Variants in MICAL3 observed in about 807,000 individuals in gnomAD.
The protein encoded by MICAL3 is [F-actin]-monooxygenase MICAL3.
MICAL3 carries 62 observed loss-of-function variants against 207.4 expected under a neutral mutation model. The observed-to-expected ratio is 0.30, with a 90% CI of 0.24 to 0.37. MICAL3 has a LOEUF of 0.37. Among genes scored for constraint, MICAL3 ranks in the 10% least tolerant of loss-of-function variants. MICAL3 has a pLI of 1.00. For synonymous variants in MICAL3, 1,077 were observed against 1,069.3 expected (o/e 1.01, Z -0.14); for missense variants, 2,368 against 2,635.6 (o/e 0.90, Z 2.22).
chr22:17,891,086 A>C (rs548890422), intron 12 of MICAL3, among the ~76,000 whole-genome samples: 3 of 152,358 alleles, frequency 2.0e-5, no homozygotes, highest in African/African-American at 7.2e-5. Context: ...TGTTCTAGCC[A>C]GGTTTCCCTT....
Position 17,902,093 on chromosome 22 carries a change from A to G in MICAL3, c.590-114T>C. ...CACAAAACCCTGGGCCAAAAACACT[A>G]TGTGTAGAAGCAGTGGAGACAGAGG... On this transcript the variant is annotated intron_variant, in intron 4 of 31. Coordinates refer to ENST00000441493, the MANE Select transcript of MICAL3 (RefSeq NM_015241.3). The surrounding 1 kb of genome is among the most constrained non-coding windows in gnomAD (Gnocchi z 4.5). 4 of 707,454 alleles carry G rather than the reference A, an allele frequency of 5.7e-6. No individual in the cohort carries two copies. Among genetic ancestry groups the G allele is most frequent in the Admixed American group, 2.3e-5 (1 of 43,270 alleles). 43.8% of individuals were successfully genotyped at this position (707,454 alleles called of 1,614,324 possible). A position where few individuals can be genotyped will look rare whatever the true frequency, so the allele number is the denominator to read the frequency against.
chr22:17,805,399 G>A (rs1422046052), intron 29 of MICAL3, among the ~76,000 whole-genome samples: 2 of 152,264 alleles, frequency 1.3e-5, no homozygotes, highest in East Asian at 3.8e-4. Flanking sequence ...ATTCACGTAA[G>A]AGAAGGAACA....
intron 19 of MICAL3, among the ~76,000 whole-genome samples, chr22:17,847,481 C>T (rs1421612656): frequency 6.6e-6 from 1 of 152,240 alleles, no homozygotes; most frequent in African/African-American, 2.4e-5. Context: ...TCCAGCCAGA[C>T]ACCCTGCAGG....
intron 19 of MICAL3, chr22:17,864,650 C>T (rs770931796): frequency 6.3e-7 from 1 of 1,597,128 alleles, no homozygotes; most frequent in South Asian, 1.1e-5. Flanking sequence ...ACCGGACGGC[C>T]CCATCACTGG....
intron 22 of MICAL3, among the ~76,000 whole-genome samples, chr22:17,825,581 G>C (rs1165041386): frequency 3.3e-5 from 5 of 152,208 alleles, no homozygotes; most frequent in African/African-American, 1.2e-4. Context: ...TTCTCCCACT[G>C]CCGGGAGGAC....
chr22:17,837,837 G>A (rs777353829), intron 20 of MICAL3, among the ~76,000 whole-genome samples: 4 of 152,178 alleles, frequency 2.6e-5, no homozygotes, highest in East Asian at 1.9e-4. Context: ...TCCAGGGTGC[G>A]CCTAGAAGTT....
chr22:17,816,604 G>T, intron 27 of MICAL3, 86 bp downstream of exon 27: 1 of 1,100,184 alleles, frequency 9.1e-7, no homozygotes. Context: ...CTTGCGGTTT[G>T]CTCTCCCTCT....
At position 17,808,831 on chromosome 22, in the gene MICAL3, A is replaced by G; in HGVS notation, c.5650+13T>C. ...CCTCCAGGAGCAGAGCTTAGGAGGG[A>G]GCCCGGCAGTACCTGCTTCGCCCCG... is the stretch of plus-strand genomic sequence containing the variant. On this transcript the variant is annotated intron_variant, in intron 29 of 31. Coordinates refer to ENST00000441493, the MANE Select transcript of MICAL3 (RefSeq NM_015241.3). 2.6e-6 allele frequency: 4 copies of G among 1,550,802 alleles called. No homozygotes were observed. Among genetic ancestry groups the G allele is most frequent in the Non-Finnish European group, 3.5e-6 (4 of 1,146,624 alleles).
intron 11 of MICAL3, among the ~76,000 whole-genome samples, chr22:17,892,135 T>C (rs1230814146): frequency 6.6e-6 from 1 of 152,192 alleles, no homozygotes; most frequent in African/African-American, 2.4e-5. Context: ...AGGCACTGTA[T>C]AACTTGCCAA....
chr22:18,016,988 A>T (rs1056788140), intron 1 of MICAL3, among the ~76,000 whole-genome samples: 1 of 152,078 alleles, frequency 6.6e-6, no homozygotes, highest in East Asian at 1.9e-4. Flanking sequence ...AAAATGCTTT[A>T]TTAAAGGTTT....
intron 25 of MICAL3, among the ~76,000 whole-genome samples, chr22:17,819,437 G>T (rs187712184): frequency 2.0e-4 from 30 of 152,270 alleles, no homozygotes; most frequent in African/African-American, 6.5e-4. Flanking sequence ...GGACATAGAG[G>T]AATGCAGTTC....
intron 20 of MICAL3, among the ~76,000 whole-genome samples, chr22:17,837,075 T>C (rs561421397): frequency 6.6e-6 from 1 of 152,326 alleles, no homozygotes; most frequent in South Asian, 2.1e-4. Flanking sequence ...CTGACAACTG[T>C]GCAAACCCTC....
Position 17,808,942 on chromosome 22 carries a change from G to A in MICAL3, c.5557-5C>T, listed in dbSNP as rs767470260. The A allele has an allele frequency of 6.5e-7, 1 of 1,549,864 alleles. No individual in the cohort carries two copies. On this transcript the variant is annotated splice_region_variant and splice_polypyrimidine_tract_variant and intron_variant, in intron 28 of 31. Transcript: ENST00000441493. Reference sequence around the variant, plus strand: ...CTGCAGCTGCCGCTGGATGATCTATGACAGACAGCACAGACTGAGCACCCG... The same window carrying A: ...CTGCAGCTGCCGCTGGATGATCTATAACAGACAGCACAGACTGAGCACCCG...
chr22:18,020,456 A>G lies in MICAL3; in HGVS notation c.-75+3825T>C, dbSNP rs532712572. ...TCTTAATATTATGACCAAGAGTTTT[A>G]TCGGCATTAATTTTTCAGTGTAGTT... On this transcript the variant is annotated intron_variant, in intron 1 of 31. Coordinates refer to ENST00000441493, the MANE Select transcript of MICAL3 (RefSeq NM_015241.3). Among the ~76,000 whole-genome samples the G allele has an allele frequency of 5.5e-4, 83 of 151,650 alleles. 1 individual carries two copies. In the South Asian group the frequency reaches 0.017, roughly 30 times the overall value.
At position 17,896,212 on chromosome 22, in the gene MICAL3, C is replaced by G. The variant is rs748474202; in HGVS notation, c.1322+34G>C. ...TAAACCACTCCTTCTTCCCAGTTTT[C>G]TCATGAAAGGAACCCCGGGTTACTT... On this transcript the variant is annotated intron_variant, in intron 9 of 31. Coordinates refer to ENST00000441493, the MANE Select transcript of MICAL3 (RefSeq NM_015241.3). 4 of 1,295,814 alleles carry G rather than the reference C, an allele frequency of 3.1e-6. No homozygotes were observed. The South Asian group carries it at 5.1e-5, about 17-fold the overall frequency. 80.3% of individuals were successfully genotyped at this position (1,295,814 alleles called of 1,614,324 possible).
chr22:17,878,361 G>A (rs1462553842), intron 16 of MICAL3, among the ~76,000 whole-genome samples: 1 of 152,204 alleles, frequency 6.6e-6, no homozygotes, highest in Non-Finnish European at 1.5e-5. Context: ...GCACCGTGGG[G>A]CGAGGCCATG....
intron 28 of MICAL3, 27 bp from the exon 29 acceptor site, chr22:17,808,964 C>T (rs368074977): frequency 7.2e-6 from 11 of 1,531,300 alleles, no homozygotes; most frequent in African/African-American, 4.1e-5. Context: ...AGACTGAGCA[C>T]CCGGCTCTCC....
chr22:17,899,823 A>C (rs1345630611), intron 6 of MICAL3, among the ~76,000 whole-genome samples: 4 of 147,760 alleles, frequency 2.7e-5, no homozygotes, highest in Non-Finnish European at 6.0e-5. Flanking sequence ...CGAAACAAGC[A>C]AAAAAAAAAG....
intron 16 of MICAL3, among the ~76,000 whole-genome samples, chr22:17,880,707 T>C (rs1929335233): frequency 6.6e-6 from 1 of 152,232 alleles, no homozygotes; most frequent in African/African-American, 2.4e-5. Flanking sequence ...CTGAATGCTG[T>C]GCCTGGCGTG....
Sources: gnomAD v4.1 joint callset for allele counts (sites outside exome capture counted in the v4.1 genomes callset) on GRCh38, gnomAD v4.1.1 for gene constraint, Gnocchi (gnomAD v3.1) non-coding constraint, MANE v1.5 for transcripts, NCBI Gene and HGNC (gene_info 2026-07-23, HGNC 2026-07-21) for gene names.